AGMO: variants seen among roughly 807,000 people sequenced by gnomAD.
The protein encoded by AGMO is alkylglycerol monooxygenase.
In AGMO, 75 loss-of-function variants were observed where a neutral mutation model predicts 60.2. The ratio of observed to expected loss-of-function variants is 1.25; its 90% CI spans 1.03 to 1.51. The LOEUF (loss-of-function observed/expected upper bound fraction) is 1.51. Ranked by LOEUF, AGMO falls within the 40% of genes most tolerant of loss-of-function variation. The pLI is 0.00. For synonymous variants in AGMO, 261 were observed against 177.1 expected, an observed-to-expected ratio of 1.47 and a Z score of -3.76; for missense variants, 763 against 525.5, an observed-to-expected ratio of 1.45 and a Z score of -4.42.
intron 12 of AGMO, among the ~76,000 whole-genome samples, chr7:15,329,199 C>T (rs747593329): frequency 6.6e-6 from 1 of 152,084 alleles, no homozygotes; most frequent in African/African-American, 2.4e-5. Context: ...TCAGGGGCTT[C>T]GATATTCGTC....
intron 12 of AGMO, among the ~76,000 whole-genome samples, chr7:15,272,694 G>A (rs569495967): frequency 4.1e-4 from 63 of 152,144 alleles, no homozygotes; most frequent in Non-Finnish European, 6.6e-4. Flanking sequence ...AGATTCTTGA[G>A]GAATCGCGAC....
At chr7:15,120,534 G>C in the AGMO span, among the ~76,000 whole-genome samples, 2 of 152,080 alleles carry the variant, frequency 1.3e-5, no homozygotes, top group Admixed American at 1.3e-4. Flanking sequence ...AGTGTCCTTA[G>C]AAGAAGGAAG....
chr7:15,507,400 C>A (rs956529493), intron 3 of AGMO, among the ~76,000 whole-genome samples: 1 of 152,032 alleles, frequency 6.6e-6, no homozygotes, highest in African/African-American at 2.4e-5. Context: ...AAACTTGAAT[C>A]TTATCCAGCC....
intron 12 of AGMO, among the ~76,000 whole-genome samples, chr7:15,274,126 C>A (rs1330469101): frequency 6.6e-6 from 1 of 152,120 alleles, no homozygotes; most frequent in Non-Finnish European, 1.5e-5. Flanking sequence ...CCTTCTCCTG[C>A]CTGATTGCCC....
the AGMO span, among the ~76,000 whole-genome samples, chr7:15,176,591 C>A: frequency 1.7e-3 from 265 of 151,850 alleles, 1 homozygote; most frequent in African/African-American, 6.1e-3. Context: ...AATGTGATGA[C>A]TGGATATACT....
rs1480488254 is a variant in AGMO at position 15,321,796 on chromosome 7, G to A, written c.1263+43718C>T. Among the ~76,000 whole-genome samples the A allele has an allele frequency of 2.6e-5, 4 of 152,010 alleles. No individual in the cohort carries two copies. The East Asian group carries it at 5.8e-4, about 22-fold the overall frequency. On this transcript the variant is annotated intron_variant, in intron 12 of 12. Coordinates refer to ENST00000342526, the MANE Select transcript of AGMO (RefSeq NM_001004320.2). ...GAACTCAAAAAGATTTAAAAAATAT[G>A]GCTAGATTGATTATTATTCCCCATA... is the stretch of plus-strand genomic sequence containing the variant.
chr7:15,122,236 G>T, the AGMO span, among the ~76,000 whole-genome samples: 1 of 151,978 alleles, frequency 6.6e-6, no homozygotes, highest in Non-Finnish European at 1.5e-5. Flanking sequence ...ATCAAAAAGT[G>T]GGCAAACGAT....
rs35756210 is a variant in AGMO at position 15,430,595 on chromosome 7, G to GTTTTTTTTTAAAAAAAAACAACAACTGGT, written c.513+409_513+410insACCAGTTGTTGTTTTTTTTTAAAAAAAAA. Among the ~76,000 whole-genome samples, 11 of 134,282 alleles carry GTTTTTTTTTAAAAAAAAACAACAACTGGT rather than the reference G, an allele frequency of 8.2e-5. 1 individual carries two copies. Among genetic ancestry groups the GTTTTTTTTTAAAAAAAAACAACAACTGGT allele is most frequent in the African/African-American group, 8.4e-5 (3 of 35,680 alleles). The allele number at this position is 134,282 out of a possible 152,430, so 88.1% of individuals were successfully genotyped here. ...TCAACTAGATTTTAGAGAATTAGTT[G>GTTTTTTTTTAAAAAAAAACAACAACTGGT]TTTTTTTTAAAAAAAAAAAACAACT... is the stretch of plus-strand genomic sequence containing the variant. On this transcript the variant is annotated intron_variant, in intron 4 of 12. Coordinates refer to ENST00000342526, the MANE Select transcript of AGMO (RefSeq NM_001004320.2).
the AGMO span, among the ~76,000 whole-genome samples, chr7:15,184,286 GAA>G: frequency 2.1e-5 from 2 of 96,718 alleles, no homozygotes; most frequent in African/African-American, 6.7e-5. Flanking sequence ...GAAAAGGAAG[GAA>G]GGAAGGGAGG....
chr7:15,158,026 T>C, the AGMO span, among the ~76,000 whole-genome samples: 1 of 152,212 alleles, frequency 6.6e-6, no homozygotes, highest in African/African-American at 2.4e-5. Context: ...TTATATTCAA[T>C]AGATTCTTTT....
chr7:15,204,166 T>G (rs533161473), intron 12 of AGMO, among the ~76,000 whole-genome samples: 68 of 152,242 alleles, frequency 4.5e-4, no homozygotes, highest in African/African-American at 1.5e-3. Context: ...TATATAAATA[T>G]TACATACAAT....
intron 12 of AGMO, among the ~76,000 whole-genome samples, chr7:15,300,395 G>C (rs555371328): frequency 6.6e-6 from 1 of 152,200 alleles, no homozygotes; most frequent in East Asian, 1.9e-4. Context: ...ATATTCTTAG[G>C]CATAGCAGCT....
intron 3 of AGMO, among the ~76,000 whole-genome samples, chr7:15,448,462 A>G (rs1293854047): frequency 5.3e-5 from 8 of 152,158 alleles, no homozygotes; most frequent in East Asian, 1.9e-4. Context: ...TAAACTTCTA[A>G]TGTTTATAAG....
chr7:15,363,039 A>C (rs144267783), intron 12 of AGMO, among the ~76,000 whole-genome samples: 1 of 152,208 alleles, frequency 6.6e-6, no homozygotes, highest in Non-Finnish European at 1.5e-5. Context: ...AAGTAACTAC[A>C]TCATAGGTTT....
the AGMO span, among the ~76,000 whole-genome samples, chr7:15,194,729 G>T: frequency 1.3e-5 from 2 of 152,130 alleles, no homozygotes; most frequent in African/African-American, 4.8e-5. Flanking sequence ...GTGGGGAGGG[G>T]CTCATGGCAT....
At chr7:15,347,620 A>G (rs1254344604) in intron 12 of AGMO, among the ~76,000 whole-genome samples, 1 of 151,788 alleles carries the variant, frequency 6.6e-6, no homozygotes, top group African/African-American at 2.4e-5. Context: ...TTCCCAAAAA[A>G]AATGTGGGCG....
At chr7:15,258,899 T>C (rs960624498) in intron 12 of AGMO, among the ~76,000 whole-genome samples, 1 of 151,988 alleles carries the variant, frequency 6.6e-6, no homozygotes, top group African/African-American at 2.4e-5. Flanking sequence ...AAGGGAGCAC[T>C]CCACAGGAAA....
chr7:15,234,817 T>A (rs1433863012), intron 12 of AGMO, among the ~76,000 whole-genome samples: 3 of 152,236 alleles, frequency 2.0e-5, no homozygotes, highest in Non-Finnish European at 4.4e-5. Context: ...ATTATTCTTC[T>A]TTTGACTTTT....
chr7:15,235,963 T>A (rs1782406105), intron 12 of AGMO, among the ~76,000 whole-genome samples: 1 of 152,180 alleles, frequency 6.6e-6, no homozygotes, highest in Non-Finnish European at 1.5e-5. Context: ...TGGTTTACTT[T>A]ACAGACAGAT....
Sources: allele counts gnomAD v4.1 joint callset (sites outside exome capture counted in the v4.1 genomes callset), GRCh38; gene constraint gnomAD v4.1.1; transcripts MANE v1.5; gene names NCBI Gene and HGNC (gene_info 2026-07-23, HGNC 2026-07-21).